Variants in PPM1A observed in about 807,000 individuals in gnomAD.
PPM1A encodes protein phosphatase 1A.
PPM1A carries 7 observed loss-of-function variants against 35.0 expected under a neutral mutation model. The ratio of observed to expected loss-of-function variants is 0.20; its 90% CI spans 0.11 to 0.38. The LOEUF (loss-of-function observed/expected upper bound fraction) is 0.38. Ranked by LOEUF, PPM1A falls within the 10% of genes least tolerant of loss-of-function variation. The pLI is 1.00. For synonymous variants in PPM1A, 153 were observed against 167.3 expected, an observed-to-expected ratio of 0.91 and a Z score of 0.66; for missense variants, 239 against 467.8, an observed-to-expected ratio of 0.51 and a Z score of 4.51.
In PPM1A at chr14:60,276,933, T is replaced by C. The variant is rs116821533; in HGVS notation, c.-20-5751T>C. 763 of 671,148 alleles carry C rather than the reference T, an allele frequency of 1.1e-3. 12 individuals carry two copies. In the African/African-American group the frequency reaches 0.014, roughly 12 times the overall value. The allele number at this position is 671,148 out of a possible 1,614,324, so 41.6% of individuals were successfully genotyped here. ...TCAGTTTAGGGATTAGTTTGGTTTT[T>C]AAAAGGTACAAAATGTTCATGAAAT... On this transcript the variant is annotated intron_variant, in intron 1 of 5. Transcript: ENST00000395076.
rs1327152041 is a variant in PPM1A, at chr14:60,295,186, A to C, written c.*2704A>C. The stretch of plus-strand genomic sequence containing the variant: ...TCATTTAAATGTCTTATTTGCTGCT[A>C]TGAATAGGAAATAACATTTTGTATA... On this transcript the variant is annotated 3_prime_UTR_variant, in exon 6 of 6. Coordinates refer to ENST00000395076, the MANE Select transcript of PPM1A (RefSeq NM_021003.5). 1 of 151,802 alleles carries C rather than the reference A, an allele frequency of 6.6e-6. No homozygotes were observed. Among genetic ancestry groups the C allele is most frequent in the Admixed American group, 6.6e-5 (1 of 15,206 alleles). 9.4% of individuals were successfully genotyped at this position (151,802 alleles called of 1,614,324 possible). A position where few individuals can be genotyped will look rare whatever the true frequency, so the allele number is the denominator to read the frequency against.
Position 60,283,175 on chromosome 14 carries a change from C to T in PPM1A, c.472C>T (p.His158Tyr). 1 of 1,614,194 alleles carries T rather than the reference C, an allele frequency of 6.2e-7. No homozygotes were observed. Residue 158 changes from histidine to tyrosine, a missense_variant, in exon 2 of 6, where the codon CAT becomes TAT. This residue lies in a region of PPM1A where 175 missense variants were observed against 389.2 expected (regional missense o/e 0.45). Coordinates refer to ENST00000395076, the MANE Select transcript of PPM1A (RefSeq NM_021003.5). The surrounding 1 kb of genome is among the most constrained non-coding windows in gnomAD (Gnocchi z 6.3). ...RGLLCRNRKV[H>Y]FFTQDHKPSN... ...TTTACTTTGTAGGAACAGGAAAGTT[C>T]ATTTCTTCACACAAGATCACAAACC...
upstream of PPM1A, chr14:60,246,068 G>C: frequency 6.5e-7 from 1 of 1,547,986 alleles, no homozygotes; most frequent in Non-Finnish European, 8.7e-7. Flanking sequence ...GGAAGGAATT[G>C]TTGAACCTAT....
chr14:60,286,051 C>T (rs918802742), intron 3 of PPM1A: 20 of 1,016,528 alleles, frequency 2.0e-5, no homozygotes, highest in African/African-American at 3.4e-5. Flanking sequence ...AATTTTATGC[C>T]GGGAAAATCT....
chr14:60,285,796 A>G (rs758804618), intron 3 of PPM1A, 55 bp downstream of exon 3: 1 of 1,593,736 alleles, frequency 6.3e-7, no homozygotes, highest in South Asian at 1.1e-5. Flanking sequence ...CTTCAACACA[A>G]TCAAACTTTA....
chr14:60,285,494 A>T, intron 2 of PPM1A, 130 bp from the exon 3 acceptor site: 1 of 983,686 alleles, frequency 1.0e-6, no homozygotes, highest in East Asian at 2.6e-5. Context: ...GCACATATGT[A>T]TTTTTTTCTC....
Position 60,294,278 on chromosome 14 carries a change from A to G in PPM1A, c.*1796A>G, listed in dbSNP as rs1329234408. On this transcript the variant is annotated 3_prime_UTR_variant, in exon 6 of 6. Transcript: ENST00000395076. ...TTATTTTGTGAGGTGATTAAATGTA[A>G]CTTAATTGTATTTAATTTATATCTT... 1 of 151,872 alleles carries G rather than the reference A, an allele frequency of 6.6e-6. No individual in the cohort carries two copies. 9.4% of individuals were successfully genotyped at this position (151,872 alleles called of 1,614,324 possible).
chr14:60,258,212 G>A (rs1883359783), intron 1 of PPM1A, among the ~76,000 whole-genome samples: 1 of 152,046 alleles, frequency 6.6e-6, no homozygotes, highest in Non-Finnish European at 1.5e-5. Context: ...AGTATTACTT[G>A]TTTTATGTAG....
intron 1 of PPM1A, among the ~76,000 whole-genome samples, chr14:60,261,147 G>A (rs1883702525): frequency 6.6e-6 from 1 of 152,040 alleles, no homozygotes; most frequent in Non-Finnish European, 1.5e-5. Context: ...ACCCTACTAA[G>A]TCCAGAATGA....
chr14:60,283,554 T>A lies in PPM1A; in HGVS notation c.834+17T>A, dbSNP rs750180494. The A allele has an allele frequency of 3.6e-5, 57 of 1,579,238 alleles. No homozygotes were observed. Among genetic ancestry groups the A allele is most frequent in the Non-Finnish European group, 4.2e-5 (49 of 1,167,534 alleles). On this transcript the variant is annotated intron_variant, in intron 2 of 5. Coordinates refer to ENST00000395076, the MANE Select transcript of PPM1A (RefSeq NM_021003.5). The surrounding 1 kb of genome is among the most constrained non-coding windows in gnomAD (Gnocchi z 6.3). ...TTGTATAAGGTAGCTAGACTTTTTT[T>A]AAAAACATAAAATGATTTTATGCCA...
At chr14:60,245,979 GAGA>G (rs746599647), upstream of PPM1A, 18 of 1,578,392 alleles carry the variant, frequency 1.1e-5, no homozygotes, top group South Asian at 9.3e-5. The surrounding 1 kb of genome is among the most constrained non-coding windows in gnomAD (Gnocchi z 4.2). Context: ...AGGGAGGAGA[GAGA>G]AGGAGAAATG....
chr14:60,296,504 G>T lies in PPM1A; in HGVS notation c.*4022G>T. On this transcript the variant is annotated 3_prime_UTR_variant, in exon 6 of 6. Coordinates refer to ENST00000395076, the MANE Select transcript of PPM1A (RefSeq NM_021003.5). The surrounding 1 kb of genome is among the most constrained non-coding windows in gnomAD (Gnocchi z 4.4). ...ACCTTAAAGAGTTTTATATACTTTT[G>T]CTCACAGAAACTGCTGGTGAGATTA... 1 of 292,972 alleles carries T rather than the reference G, an allele frequency of 3.4e-6. No individual in the cohort carries two copies. 18.1% of individuals were successfully genotyped at this position (292,972 alleles called of 1,614,324 possible).
Position 60,285,758 on chromosome 14 carries a change from A to G in PPM1A, c.952+17A>G. Reference sequence around the variant, plus strand: ...GAGTAGAAGGTGGATCATTTAACAAAAAATAAGTAGCTTTATTAAAGAAAA... The same window carrying G: ...GAGTAGAAGGTGGATCATTTAACAAGAAATAAGTAGCTTTATTAAAGAAAA... On this transcript the variant is annotated intron_variant, in intron 3 of 5. Coordinates refer to ENST00000395076, the MANE Select transcript of PPM1A (RefSeq NM_021003.5). 6.2e-7 allele frequency: 1 copy of G among 1,602,712 alleles called. No individual in the cohort carries two copies.
At chr14:60,267,276 T>C (rs1308119533) in intron 1 of PPM1A, 1 of 152,146 alleles carries the variant, frequency 6.6e-6, no homozygotes, top group African/African-American at 2.4e-5. Flanking sequence ...TACTGAGATT[T>C]CCTCTTTGGC....
At chr14:60,261,953 A>G (rs943352932) in intron 1 of PPM1A, among the ~76,000 whole-genome samples, 4 of 152,200 alleles carry the variant, frequency 2.6e-5, no homozygotes, top group Admixed American at 1.3e-4. Flanking sequence ...GTTGGTACCT[A>G]TATTTGACTA....
At chr14:60,277,430 C>A (rs1378783699) in intron 1 of PPM1A, 1 of 151,238 alleles carries the variant, frequency 6.6e-6, no homozygotes, top group Non-Finnish European at 1.5e-5. Context: ...TTAATTTACC[C>A]TTGACTATAT....
chr14:60,275,090 A>G (rs1403530552), intron 1 of PPM1A, among the ~76,000 whole-genome samples: 1 of 140,962 alleles, frequency 7.1e-6, no homozygotes, highest in Non-Finnish European at 1.5e-5. Context: ...TTTTAAGGTC[A>G]TTTATCTTTG....
rs1885410370 is a variant in PPM1A, at chr14:60,273,573, C to T, written c.-20-9111C>T. Among the ~76,000 whole-genome samples the T allele has an allele frequency of 6.6e-6, 1 of 152,080 alleles. No individual in the cohort carries two copies. Among genetic ancestry groups the T allele is most frequent in the Non-Finnish European group, 1.5e-5 (1 of 68,014 alleles). The stretch of plus-strand genomic sequence containing the variant: ...GAAAGCCATTGAGAAACTTTTAGTA[C>T]AGAAGTGATATGGTGAAATTTGTAT... On this transcript the variant is annotated intron_variant, in intron 1 of 5. Transcript: ENST00000395076. The surrounding 1 kb of genome is among the most constrained non-coding windows in gnomAD (Gnocchi z 4.3).
At chr14:60,261,782 C>A (rs1206743131) in intron 1 of PPM1A, among the ~76,000 whole-genome samples, 3 of 152,132 alleles carry the variant, frequency 2.0e-5, no homozygotes, top group Admixed American at 2.0e-4. Flanking sequence ...TTTTATAGAT[C>A]AAAGCCTTTC....
Sources: gnomAD v4.1 joint callset for allele counts (sites outside exome capture counted in the v4.1 genomes callset) on GRCh38, gnomAD v4.1.1 for gene constraint, gnomAD v4.1.1 regional missense constraint, Gnocchi (gnomAD v3.1) non-coding constraint, MANE v1.5 for transcripts, NCBI Gene and HGNC (gene_info 2026-07-23, HGNC 2026-07-21) for gene names.